SLC12A4: variants seen among roughly 807,000 people sequenced by gnomAD.
SLC12A4 encodes electroneutral potassium-chloride cotransporter 1.
In SLC12A4, 84 loss-of-function variants were observed where a neutral mutation model predicts 119.2. The ratio of observed to expected loss-of-function variants is 0.70; its 90% CI spans 0.59 to 0.85. The LOEUF (loss-of-function observed/expected upper bound fraction) is 0.85. Among genes scored for constraint, SLC12A4 ranks in the 40% least tolerant of loss-of-function variants. SLC12A4 has a pLI of 0.00. For missense variants in SLC12A4, 1,298 were observed against 1,476.3 expected (o/e 0.88, Z 1.98); for synonymous variants, 599 against 604.6 (o/e 0.99, Z 0.14).
chr16:67,968,467 C>T lies in SLC12A4; in HGVS notation c.87G>A (p.Gly29=), dbSNP rs772306334. 13 of 1,582,738 alleles carry T rather than the reference C, an allele frequency of 8.2e-6. No homozygotes were observed. Among genetic ancestry groups the T allele is most frequent in the Non-Finnish European group, 4.3e-6 (5 of 1,169,268 alleles). The part of the protein sequence containing the change: ...NLEGLSWVDY[G]ERAELDDSDG... ...CCGAGTCATCCAGCTCGGCGCGCTCCCCGTAGTCCACCCAACTGAGCCCCT... is the reference window on the plus strand; with the variant it reads ...CCGAGTCATCCAGCTCGGCGCGCTCTCCGTAGTCCACCCAACTGAGCCCCT... Residue 29 remains glycine (G), a synonymous_variant, in exon 1 of 24, where the codon GGG becomes GGA. Transcript: ENST00000316341.
Position 67,943,984 on chromosome 16 carries a change from C to G in SLC12A4, c.*856G>C. ...GGCCGTGTGTGGTTACTGAGCTCAG[C>G]CTTGGGCGTGGTGTGCGGGGGGAAG... On this transcript the variant is annotated 3_prime_UTR_variant, in exon 24 of 24. Coordinates refer to ENST00000316341, the MANE Select transcript of SLC12A4 (RefSeq NM_005072.5). The surrounding 1 kb of genome is among the most constrained non-coding windows in gnomAD (Gnocchi z 4.6). The G allele has an allele frequency of 6.5e-7, 1 of 1,548,384 alleles. No homozygotes were observed. The highest frequency in any genetic ancestry group is 8.7e-7 in the Non-Finnish European group (1 of 1,145,686).
rs1042521612 is a variant in SLC12A4 at position 67,944,133 on chromosome 16, G to A, written c.*707C>T. The stretch of plus-strand genomic sequence containing the variant: ...CCTGGTGCCTACTGCCAGAGAAAGC[G>A]GCACTGGGCTGTCCTTATCTGGTGT... On this transcript the variant is annotated 3_prime_UTR_variant, in exon 24 of 24. Transcript: ENST00000316341. This position sits in a 1 kb window ranked among gnomAD's most constrained non-coding sequence, Gnocchi z 6.6. 20 of 1,544,844 alleles carry A rather than the reference G, an allele frequency of 1.3e-5. No homozygotes were observed. The highest frequency in any genetic ancestry group is 1.6e-5 in the Non-Finnish European group (18 of 1,144,248).
intron 1 of SLC12A4, chr16:67,966,831 G>A: frequency 6.5e-7 from 1 of 1,548,876 alleles, no homozygotes; most frequent in East Asian, 2.5e-5. Flanking sequence ...AAGAGGAAGG[G>A]AGGCAGTGGG....
chr16:67,946,878 G>T, intron 17 of SLC12A4, 59 bp downstream of exon 17: 1 of 1,548,134 alleles, frequency 6.5e-7, no homozygotes. Context: ...TCCCCTCCGT[G>T]CCAGCTGCAG....
At position 67,952,291 on chromosome 16, in the gene SLC12A4, G is replaced by C; in HGVS notation, c.810C>G (p.Val270=). 1 of 1,614,144 alleles carries C rather than the reference G, an allele frequency of 6.2e-7. No individual in the cohort carries two copies. Among genetic ancestry groups the C allele is most frequent in the Non-Finnish European group, 8.5e-7 (1 of 1,180,036 alleles). Residue 270 remains valine (V), a synonymous_variant, in exon 7 of 24, where the codon GTC becomes GTG. Coordinates refer to ENST00000316341, the MANE Select transcript of SLC12A4 (RefSeq NM_005072.5). ...GCGAGGCAAATTTGTTCACATACTT[G>C]ACCCCCACAAACACCACCAGGGTCA... ...TFMTLVVFVG[V]KYVNKFASLF... is the part of the protein sequence containing the mutation.
chr16:67,954,664 C>A lies in SLC12A4; in HGVS notation c.654G>T (p.Leu218=). ...TCACCAGCAAGATCTCGATGGCCCC[C>A]AGGATGTACATGGCTGCTGCGAATG... ...GTTFAAAMYI[L]GAIEILLTYI... The change falls in exon 6 of 24, where the codon CTG becomes CTT. Residue 218 remains leucine (L), a synonymous_variant. Coordinates refer to ENST00000316341, the MANE Select transcript of SLC12A4 (RefSeq NM_005072.5). 1 of 1,614,210 alleles carries A rather than the reference C, an allele frequency of 6.2e-7. No individual in the cohort carries two copies. The highest frequency in any genetic ancestry group is 1.3e-5 in the African/African-American group (1 of 75,048).
At position 67,947,316 on chromosome 16, in the gene SLC12A4, C is replaced by T. The variant is rs1431686939; in HGVS notation, c.2072+15G>A. 6.2e-7 allele frequency: 1 copy of T among 1,609,364 alleles called. No homozygotes were observed. The highest frequency in any genetic ancestry group is 1.1e-5 in the South Asian group (1 of 90,808). On this transcript the variant is annotated intron_variant, in intron 16 of 23. Transcript: ENST00000316341. ...AGAACCTCTGCGCCCTGGCCAGGGT[C>T]TGGCGGGAACTCACCGCCAGTTCTT... is the stretch of plus-strand genomic sequence containing the variant.
chr16:67,956,328 C>G (rs1416424745), intron 5 of SLC12A4, among the ~76,000 whole-genome samples: 1 of 152,042 alleles, frequency 6.6e-6, no homozygotes, highest in Non-Finnish European at 1.5e-5. Flanking sequence ...AAAGTGGAAC[C>G]CACAGGCAGG....
chr16:67,954,889 G>A, intron 5 of SLC12A4, 116 bp from the exon 6 acceptor site: 1 of 1,326,616 alleles, frequency 7.5e-7, no homozygotes, highest in Non-Finnish European at 1.0e-6. Flanking sequence ...TCCTGTTTGT[G>A]GATGAGTAGA....
intron 5 of SLC12A4, 63 bp downstream of exon 5, chr16:67,957,679 G>A: frequency 6.3e-7 from 1 of 1,594,648 alleles, no homozygotes; most frequent in Non-Finnish European, 8.6e-7. Flanking sequence ...GGGTTCCCAG[G>A]TAGGTCAAGG....
At chr16:67,963,906 C>T (rs1173200499) in intron 1 of SLC12A4, 3 of 1,550,904 alleles carry the variant, frequency 1.9e-6, no homozygotes, top group East Asian at 2.4e-5. Context: ...ACGCCCCAGT[C>T]CCTTTCCCGG....
chr16:67,956,982 C>T (rs1023583646), intron 5 of SLC12A4, among the ~76,000 whole-genome samples: 4 of 151,726 alleles, frequency 2.6e-5, no homozygotes, highest in African/African-American at 9.7e-5. Context: ...CATTCTATAC[C>T]TTTCTGCACT....
intron 3 of SLC12A4, among the ~76,000 whole-genome samples, chr16:67,961,220 T>C (rs1419262701): frequency 6.6e-6 from 1 of 152,178 alleles, no homozygotes; most frequent in African/African-American, 2.4e-5. Context: ...TATTTCCTTG[T>C]CTGAAAAATG....
At position 67,951,703 on chromosome 16, in the gene SLC12A4, G is replaced by C; in HGVS notation, c.1132+120C>G. The stretch of plus-strand genomic sequence containing the variant: ...AGCCAGGCTGGGAGGACACTGGGGG[G>C]CTGGGAAGGCGGCCAGTCCTGCCCC... On this transcript the variant is annotated intron_variant, in intron 8 of 23. Coordinates refer to ENST00000316341, the MANE Select transcript of SLC12A4 (RefSeq NM_005072.5). This position sits in a 1 kb window ranked among gnomAD's most constrained non-coding sequence, Gnocchi z 5.2. The C allele has an allele frequency of 1.1e-6, 1 of 899,386 alleles. No individual in the cohort carries two copies. Among genetic ancestry groups the C allele is most frequent in the Non-Finnish European group, 1.7e-6 (1 of 589,502 alleles). The allele number at this position is 899,386 out of a possible 1,614,324, so 55.7% of individuals were successfully genotyped here.
At chr16:67,947,132 G>A in intron 16 of SLC12A4, 27 bp from the exon 17 acceptor site, 3 of 1,561,964 alleles carry the variant, frequency 1.9e-6, no homozygotes, top group Non-Finnish European at 2.6e-6. Flanking sequence ...GGGGGAGCCT[G>A]AGACCAGGGC....
At position 67,957,934 on chromosome 16, in the gene SLC12A4, T is replaced by A. The variant is rs2030362386; in HGVS notation, c.453A>T (p.Leu151=). ...LTWMVGTAGV[L]QALLIVLICC... ...AGATAAGCACGATGAGGAGGGCCTG[T>A]AGCACACCTGCTGTGCCCACCATCC... Residue 151 remains leucine, a synonymous_variant, in exon 4 of 24, where the codon CTA becomes CTT. Coordinates refer to ENST00000316341, the MANE Select transcript of SLC12A4 (RefSeq NM_005072.5). The A allele has an allele frequency of 6.2e-7, 1 of 1,614,064 alleles. No homozygotes were observed. Among genetic ancestry groups the A allele is most frequent in the African/African-American group, 1.3e-5 (1 of 74,942 alleles).
rs556554704 is a variant in SLC12A4 at position 67,948,193 on chromosome 16, C to T, written c.1749-34G>A. 5 of 1,602,772 alleles carry T rather than the reference C, an allele frequency of 3.1e-6. No homozygotes were observed. The African/African-American group carries it at 4.0e-5, about 13-fold the overall frequency. On this transcript the variant is annotated intron_variant, in intron 13 of 23. Transcript: ENST00000316341. ...CAGAGGGCGGTTGGCGAAGAGCAGCCTCCTCGGCAGCTGGGGACCTGATGT... is the reference window on the plus strand; with the variant it reads ...CAGAGGGCGGTTGGCGAAGAGCAGCTTCCTCGGCAGCTGGGGACCTGATGT...
intron 6 of SLC12A4, among the ~76,000 whole-genome samples, chr16:67,953,319 G>A (rs1402980451): frequency 2.6e-5 from 4 of 152,138 alleles, no homozygotes; most frequent in Non-Finnish European, 4.4e-5. Flanking sequence ...CCCAGGAGGC[G>A]GAAATTGCAG....
At position 67,949,795 on chromosome 16, in the gene SLC12A4, C is replaced by G; in HGVS notation, c.1748+5G>C. The G allele has an allele frequency of 6.2e-7, 1 of 1,601,418 alleles. No homozygotes were observed. Among genetic ancestry groups the G allele is most frequent in the Non-Finnish European group, 8.5e-7 (1 of 1,170,974 alleles). On this transcript the variant is annotated splice_donor_5th_base_variant and intron_variant, in intron 13 of 23. Transcript: ENST00000316341. This position sits in a 1 kb window ranked among gnomAD's most constrained non-coding sequence, Gnocchi z 4.6. ...ATCCCCCTGCCCTGCCCGGCCCCAG[C>G]TCACATGGATAAGATGGGGGCCACC... is the stretch of plus-strand genomic sequence containing the variant.
Sources: allele counts gnomAD v4.1 joint callset (sites outside exome capture counted in the v4.1 genomes callset), GRCh38; gene constraint gnomAD v4.1.1; non-coding constraint Gnocchi (gnomAD v3.1); transcripts MANE v1.5; gene names NCBI Gene and HGNC (gene_info 2026-07-23, HGNC 2026-07-21).